PIRT: variants seen among roughly 807,000 people sequenced by gnomAD.
PIRT encodes the protein phosphoinositide-interacting protein.
In PIRT, 6 loss-of-function variants were observed where a neutral mutation model predicts 7.9. The ratio of observed to expected loss-of-function variants is 0.76; its 90% CI spans 0.42 to 1.51. The LOEUF (loss-of-function observed/expected upper bound fraction) is 1.51, where lower values mean the gene tolerates loss of function less well. Ranked by LOEUF, PIRT falls within the 40% of genes most tolerant of loss-of-function variation. The pLI is 0.01. For missense variants in PIRT, 170 were observed against 172.9 expected, an observed-to-expected ratio of 0.98 and a Z score of 0.09; for synonymous variants, 78 against 71.8, an observed-to-expected ratio of 1.09 and a Z score of -0.44.
chr17:10,828,761 C>G (rs576626156), intron 1 of PIRT, among the ~76,000 whole-genome samples: 1 of 152,310 alleles, frequency 6.6e-6, no homozygotes, highest in African/African-American at 2.4e-5. Context: ...CTGCTCAGGC[C>G]TGAACTTTTC....
intron 1 of PIRT, among the ~76,000 whole-genome samples, chr17:10,829,022 G>A (rs1905400600): frequency 6.6e-6 from 1 of 152,210 alleles, no homozygotes; most frequent in African/African-American, 2.4e-5. Flanking sequence ...AAGCAAAGTA[G>A]CCATTTAAAA....
In PIRT at chr17:10,825,067, C is replaced by G; in HGVS notation, c.*165G>C. 1 of 876,594 alleles carries G rather than the reference C, an allele frequency of 1.1e-6. No individual in the cohort carries two copies. Among genetic ancestry groups the G allele is most frequent in the Non-Finnish European group, 1.7e-6 (1 of 584,060 alleles). The allele number at this position is 876,594 out of a possible 1,614,324, so 54.3% of individuals were successfully genotyped here. On this transcript the variant is annotated 3_prime_UTR_variant, in exon 2 of 2. Transcript: ENST00000580256. ...AAGTGGATACATCTGGCAACATTCC[C>G]GGCTGCATGGAGGGTGGAGCCCCAA...
At chr17:10,833,358 A>G (rs1387372839) in intron 1 of PIRT, among the ~76,000 whole-genome samples, 3 of 152,218 alleles carry the variant, frequency 2.0e-5, no homozygotes, top group African/African-American at 7.2e-5. Context: ...AAAAATCAAT[A>G]AAATAGATAT....
rs967237245 is a variant in PIRT at position 10,823,575 on chromosome 17, T to C, written c.*1657A>G. On this transcript the variant is annotated 3_prime_UTR_variant, in exon 2 of 2. Transcript: ENST00000580256. ...GAAGAGAATTAGCTCAAGACAAGGG[T>C]GATTCTGGTGCAGGATGCTCTCCTC... 9.2e-5 allele frequency: 14 copies of C among 152,132 alleles called. No homozygotes were observed. Among genetic ancestry groups the C allele is most frequent in the African/African-American group, 3.4e-4 (14 of 41,408 alleles). The allele number at this position is 152,132 out of a possible 1,614,324, so 9.4% of individuals were successfully genotyped here.
chr17:10,825,641 G>A lies in PIRT; in HGVS notation c.5C>T (p.Thr2Met), dbSNP rs192012879. 1.4e-3 allele frequency: 2,028 copies of A among 1,477,242 alleles called. 5 individuals carry two copies. Among genetic ancestry groups the A allele is most frequent in the Admixed American group, 4.3e-3 (173 of 39,774 alleles). 91.5% of individuals were successfully genotyped at this position (1,477,242 alleles called of 1,614,324 possible). A position where few individuals can be genotyped will look rare whatever the true frequency, so the allele number is the denominator to read the frequency against. MTMETLPKVLEV... is the reference protein window; with the variant it reads MMMETLPKVLEV... ...TAGAACCTTGGGGAGAGTCTCCATC[G>A]TCATGGTTGCTCAGGACTGGGCGCC... The change falls in exon 2 of 2, where the codon ACG becomes ATG. Residue 2 changes from threonine (T) to methionine (M), a missense_variant. By Grantham distance (81) the Thr-to-Met change is moderately conservative (BLOSUM62 -1). Coordinates refer to ENST00000580256, the MANE Select transcript of PIRT (RefSeq NM_001101387.2).
At chr17:10,829,224 G>C (rs982840937) in intron 1 of PIRT, among the ~76,000 whole-genome samples, 1 of 152,154 alleles carries the variant, frequency 6.6e-6, no homozygotes, top group Non-Finnish European at 1.5e-5. Context: ...GCTGTTTCCT[G>C]AGGCTGGAAA....
intron 1 of PIRT, among the ~76,000 whole-genome samples, chr17:10,835,499 CTG>C (rs1374639977): frequency 2.6e-5 from 4 of 152,252 alleles, no homozygotes; most frequent in Non-Finnish European, 1.5e-5. Context: ...GGCCCAGACT[CTG>C]TGTTCAAGTC....
At chr17:10,830,468 C>G (rs1905438479) in intron 1 of PIRT, among the ~76,000 whole-genome samples, 1 of 152,144 alleles carries the variant, frequency 6.6e-6, no homozygotes, top group African/African-American at 2.4e-5. Context: ...CTTACGAGCC[C>G]CATATAAAAC....
At position 10,824,943 on chromosome 17, in the gene PIRT, G is replaced by T. The variant is rs943276692; in HGVS notation, c.*289C>A. 4.7e-6 allele frequency: 2 copies of T among 425,228 alleles called. No individual in the cohort carries two copies. The highest frequency in any genetic ancestry group is 7.8e-5 in the Admixed American group (2 of 25,802). The allele number at this position is 425,228 out of a possible 1,614,324, so 26.3% of individuals were successfully genotyped here. On this transcript the variant is annotated 3_prime_UTR_variant, in exon 2 of 2. Coordinates refer to ENST00000580256, the MANE Select transcript of PIRT (RefSeq NM_001101387.2). ...GCATGCATTGCACTTGGCAGAGAGA[G>T]TTGGATGAATGATGCCTGGATGCAG...
At chr17:10,829,653 T>G (rs1238499443) in intron 1 of PIRT, among the ~76,000 whole-genome samples, 1 of 152,202 alleles carries the variant, frequency 6.6e-6, no homozygotes, top group African/African-American at 2.4e-5. Flanking sequence ...ATCTTGAGAT[T>G]ATCACTTTGT....
chr17:10,833,517 G>C (rs1230058363), intron 1 of PIRT, among the ~76,000 whole-genome samples: 1 of 152,122 alleles, frequency 6.6e-6, no homozygotes, highest in Non-Finnish European at 1.5e-5. Context: ...ACTTTGAAAG[G>C]CCGAGGCAGC....
intron 1 of PIRT, among the ~76,000 whole-genome samples, chr17:10,827,059 G>A (rs1379672563): frequency 6.6e-6 from 1 of 152,024 alleles, no homozygotes; most frequent in Non-Finnish European, 1.5e-5. Context: ...TGATCTACCT[G>A]TCTTGGCCTC....
rs1442057361 is a variant in PIRT, at chr17:10,835,163, G to A, written c.-139+2782C>T. Among the ~76,000 whole-genome samples, 8 of 152,252 alleles carry A rather than the reference G, an allele frequency of 5.3e-5. No individual in the cohort carries two copies. In the South Asian group the frequency reaches 1.2e-3, roughly 24 times the overall value. On this transcript the variant is annotated intron_variant, in intron 1 of 1. Coordinates refer to ENST00000580256, the MANE Select transcript of PIRT (RefSeq NM_001101387.2). ...CAAGGCAGGCTTCCTTCTGCTGGCCGAAGTTCCTACAAAAATCTCCAATGT... is the reference window on the plus strand; with the variant it reads ...CAAGGCAGGCTTCCTTCTGCTGGCCAAAGTTCCTACAAAAATCTCCAATGT...
chr17:10,832,910 T>G (rs1432447734), intron 1 of PIRT, among the ~76,000 whole-genome samples: 2 of 152,150 alleles, frequency 1.3e-5, no homozygotes, highest in African/African-American at 4.8e-5. Context: ...GGTCTGGGGA[T>G]CCACCTGACA....
intron 1 of PIRT, among the ~76,000 whole-genome samples, chr17:10,835,194 A>T (rs1191464910): frequency 6.6e-6 from 1 of 152,164 alleles, no homozygotes; most frequent in Non-Finnish European, 1.5e-5. Flanking sequence ...AATGTACCTC[A>T]GCTGCTTCTC....
chr17:10,833,702 C>T (rs574208364), intron 1 of PIRT, among the ~76,000 whole-genome samples: 8 of 151,672 alleles, frequency 5.3e-5, no homozygotes, highest in South Asian at 2.1e-4. Context: ...TGCAGTGAGC[C>T]GAGATCTCGC....
intron 1 of PIRT, among the ~76,000 whole-genome samples, chr17:10,832,473 G>T (rs575628038): frequency 1.3e-5 from 2 of 152,244 alleles, no homozygotes; most frequent in Non-Finnish European, 2.9e-5. Flanking sequence ...GATTACAGGC[G>T]TGAGCCACCA....
intron 1 of PIRT, among the ~76,000 whole-genome samples, chr17:10,828,013 C>G (rs1266529797): frequency 2.0e-5 from 3 of 152,218 alleles, no homozygotes; most frequent in Non-Finnish European, 1.5e-5. Flanking sequence ...TTTTACACAT[C>G]TTTAATTGAA....
intron 1 of PIRT, among the ~76,000 whole-genome samples, chr17:10,828,420 T>G (rs966395700): frequency 2.6e-5 from 4 of 152,188 alleles, no homozygotes; most frequent in South Asian, 2.1e-4. Flanking sequence ...TCCTCTGGCT[T>G]CTTCTTCTGT....
Sources: gnomAD v4.1 joint callset for allele counts (sites outside exome capture counted in the v4.1 genomes callset) on GRCh38, gnomAD v4.1.1 for gene constraint, MANE v1.5 for transcripts, NCBI Gene and HGNC (gene_info 2026-07-23, HGNC 2026-07-21) for gene names.